The following PLEKHB1 variants were observed in gnomAD, a reference collection of about 807,000 sequenced individuals.
The protein encoded by PLEKHB1 is pleckstrin homology domain-containing family B member 1.
In PLEKHB1, 29 loss-of-function variants were observed where a neutral mutation model predicts 36.2. The observed-to-expected ratio is 0.80, with a 90% CI of 0.60 to 1.09. PLEKHB1 has a LOEUF of 1.09. Ranked by LOEUF, PLEKHB1 falls within the 50% of genes least tolerant of loss-of-function variation. The pLI, the probability that PLEKHB1 is intolerant of heterozygous loss-of-function variation, is 0.00. For missense variants in PLEKHB1, 330 were observed against 348.2 expected (o/e 0.95, Z 0.42); for synonymous variants, 138 against 140.0 (o/e 0.99, Z 0.10).
intron 5 of PLEKHB1, among the ~76,000 whole-genome samples, chr11:73,654,411 C>T (rs1944955190): frequency 6.6e-6 from 1 of 152,194 alleles, no homozygotes. Context: ...CCTCAGGCAT[C>T]CACGTCCTGA....
At chr11:73,660,675 C>A in intron 6 of PLEKHB1, 78 bp from the exon 7 acceptor site, 1 of 1,365,386 alleles carries the variant, frequency 7.3e-7, no homozygotes, top group South Asian at 1.3e-5. Context: ...CCCAGAGAGG[C>A]CTGTGCCAGG....
At position 73,655,858 on chromosome 11, in the gene PLEKHB1, G is replaced by C. The variant is rs1326440407; in HGVS notation, c.446G>C (p.Arg149Thr). Residue 149 changes from arginine (R) to threonine (T), a missense_variant, in exon 6 of 8, where the codon AGG becomes ACG. By Grantham distance (71) the Arg-to-Thr change is moderately conservative. Coordinates refer to ENST00000354190, the MANE Select transcript of PLEKHB1 (RefSeq NM_021200.3). ...AGCCGCCGGGTTTGCTCCAAGGTCA[G>C]GTGTGTGACCCGCTCGTGGAGCCCC... ...PRSRRVCSKVRCVTRSWSPCK... is the reference protein window; with the variant it reads ...PRSRRVCSKVTCVTRSWSPCK... The C allele has an allele frequency of 6.2e-7, 1 of 1,613,718 alleles. No individual in the cohort carries two copies. Among genetic ancestry groups the C allele is most frequent in the Non-Finnish European group, 8.5e-7 (1 of 1,179,866 alleles).
intron 5 of PLEKHB1, chr11:73,653,295 G>A: frequency 1.5e-6 from 1 of 657,646 alleles, no homozygotes; most frequent in Middle Eastern, 2.8e-4. Context: ...TATGTGCCAG[G>A]TGTGGTGCAG....
Position 73,661,747 on chromosome 11 carries a change from AC to A in PLEKHB1, c.*146del, listed in dbSNP as rs1458791106. The A allele has an allele frequency of 4.0e-6, 4 of 996,164 alleles. No individual in the cohort carries two copies. Among genetic ancestry groups the A allele is most frequent in the Non-Finnish European group, 5.7e-6 (4 of 696,714 alleles). The allele number at this position is 996,164 out of a possible 1,614,324, so 61.7% of individuals were successfully genotyped here. ...CTTCCGGGTTTGGACCATTCCCCCC[AC>A]TCCCTACCCTTAATCCCCACATGGG... On this transcript the variant is annotated 3_prime_UTR_variant, in exon 8 of 8. Transcript: ENST00000354190. This position sits in a 1 kb window ranked among gnomAD's most constrained non-coding sequence, Gnocchi z 4.6.
At position 73,651,540 on chromosome 11, in the gene PLEKHB1, C is replaced by G. The variant is rs1035955890; in HGVS notation, c.248-248C>G. On this transcript the variant is annotated intron_variant, in intron 3 of 7. Coordinates refer to ENST00000354190, the MANE Select transcript of PLEKHB1 (RefSeq NM_021200.3). The stretch of plus-strand genomic sequence containing the variant: ...GTCACAGCAAATCTCCACATTCCTC[C>G]ACCAAGGCCCAGGCCACAGTTCTAA... The G allele has an allele frequency of 9.4e-6, 6 of 638,424 alleles. No homozygotes were observed. In the African/African-American group the frequency reaches 1.1e-4, roughly 11 times the overall value. 39.5% of individuals were successfully genotyped at this position (638,424 alleles called of 1,614,324 possible). A position where few individuals can be genotyped will look rare whatever the true frequency, so the allele number is the denominator to read the frequency against.
chr11:73,648,918 G>A (rs1357216103), intron 1 of PLEKHB1, 94 bp from the exon 2 acceptor site: 5 of 1,503,936 alleles, frequency 3.3e-6, no homozygotes, highest in South Asian at 1.3e-5. Context: ...TCCCTCAAAC[G>A]TTTCCTGGGT....
Position 73,661,269 on chromosome 11 carries a change from G to A in PLEKHB1, c.596-197G>A, listed in dbSNP as rs1441477068. 6.6e-6 allele frequency among the ~76,000 whole-genome samples: 1 copy of A among 152,214 alleles called. No individual in the cohort carries two copies. Among genetic ancestry groups the A allele is most frequent in the Admixed American group, 6.5e-5 (1 of 15,284 alleles). ...GCCGTAGCGGACCCGTAGGTTCCGGGACATCCGTAGCCGATCCAAGGCCTG... is the reference window on the plus strand; with the variant it reads ...GCCGTAGCGGACCCGTAGGTTCCGGAACATCCGTAGCCGATCCAAGGCCTG... On this transcript the variant is annotated intron_variant, in intron 7 of 7. Transcript: ENST00000354190. This position sits in a 1 kb window ranked among gnomAD's most constrained non-coding sequence, Gnocchi z 4.6.
Position 73,648,073 on chromosome 11 carries a change from T to C in PLEKHB1, c.19-939T>C, listed in dbSNP as rs966479492. On this transcript the variant is annotated intron_variant, in intron 1 of 7. Transcript: ENST00000354190. Reference sequence around the variant, plus strand: ...GTAAGGATTCCCTTCCTAACAGGGTTAGAGTGGGGACAAGGTGAGGGAGTA... The same window carrying C: ...GTAAGGATTCCCTTCCTAACAGGGTCAGAGTGGGGACAAGGTGAGGGAGTA... 18 of 752,788 alleles carry C rather than the reference T, an allele frequency of 2.4e-5. No homozygotes were observed. In the African/African-American group the frequency reaches 3.1e-4, roughly 13 times the overall value. The allele number at this position is 752,788 out of a possible 1,614,324, so 46.6% of individuals were successfully genotyped here.
chr11:73,655,833 A>T lies in PLEKHB1; in HGVS notation c.421A>T (p.Ser141Cys). 6.2e-7 allele frequency: 1 copy of T among 1,613,578 alleles called. No individual in the cohort carries two copies. ...APAGATVPPR[S>C]RRVCSKVRCV... The stretch of plus-strand genomic sequence containing the variant: ...AGCTGGAGCCACCGTCCCTCCCAGG[A>T]GCCGCCGGGTTTGCTCCAAGGTCAG... The change falls in exon 6 of 8, where the codon AGC becomes TGC. Residue 141 changes from serine (S) to cysteine (C), a missense_variant. Physicochemically the swap from Ser to Cys is moderately radical, Grantham distance 112 (BLOSUM62 -1). Coordinates refer to ENST00000354190, the MANE Select transcript of PLEKHB1 (RefSeq NM_021200.3).
At chr11:73,659,909 G>A (rs548930236) in intron 6 of PLEKHB1, among the ~76,000 whole-genome samples, 2 of 152,290 alleles carry the variant, frequency 1.3e-5, no homozygotes, top group South Asian at 2.1e-4. Flanking sequence ...CTCAATAATC[G>A]TTACAGCCTA....
At chr11:73,651,945 C>T in intron 4 of PLEKHB1, 55 bp downstream of exon 4, 2 of 1,500,932 alleles carry the variant, frequency 1.3e-6, no homozygotes, top group Non-Finnish European at 9.2e-7. Flanking sequence ...TTACCATGTG[C>T]CCCCTTCTCA....
At chr11:73,658,226 G>A (rs1006035940) in intron 6 of PLEKHB1, among the ~76,000 whole-genome samples, 3 of 152,208 alleles carry the variant, frequency 2.0e-5, no homozygotes, top group African/African-American at 7.2e-5. Context: ...CTGAAAGACA[G>A]GTTGAATGAG....
rs1748603610 is a variant in PLEKHB1 at position 73,660,830 on chromosome 11, C to T, written c.573C>T (p.Ser191=). 6.3e-7 allele frequency: 1 copy of T among 1,595,286 alleles called. No homozygotes were observed. The highest frequency in any genetic ancestry group is 1.1e-5 in the South Asian group (1 of 87,408). The change falls in exon 7 of 8, where the codon AGC becomes AGT. Residue 191 remains serine (S), a synonymous_variant. Transcript: ENST00000354190. ...CACACGAGGCCACGTATGTCCGCAG[C>T]TACTACGGACCGCCCTACGCAGGTA... ...PNAHEATYVR[S]YYGPPYAGPG...
intron 1 of PLEKHB1, among the ~76,000 whole-genome samples, chr11:73,648,433 G>A (rs1020930577): frequency 3.9e-5 from 6 of 152,164 alleles, no homozygotes; most frequent in Admixed American, 6.5e-5. Context: ...GGGGGTACCC[G>A]GACAGAGTGC....
chr11:73,660,865 C>T lies in PLEKHB1; in HGVS notation c.595+13C>T, dbSNP rs762825000. On this transcript the variant is annotated intron_variant, in intron 7 of 7. Transcript: ENST00000354190. ...CCGCCCTACGCAGGTAAGTCTCCAG[C>T]GTGCCCCGGGGCTTGCCTCGATCCA... The T allele has an allele frequency of 3.8e-6, 6 of 1,571,256 alleles. No individual in the cohort carries two copies. The highest frequency in any genetic ancestry group is 5.2e-6 in the Non-Finnish European group (6 of 1,159,620).
Position 73,655,813 on chromosome 11 carries a change from G to A in PLEKHB1, c.401G>A (p.Gly134Glu). 6.2e-7 allele frequency: 1 copy of A among 1,613,442 alleles called. No homozygotes were observed. The highest frequency in any genetic ancestry group is 8.5e-7 in the Non-Finnish European group (1 of 1,179,810). Residue 134 changes from glycine to glutamate, a missense_variant, in exon 6 of 8, where the codon GGA (glycine) becomes GAA (glutamate). By Grantham distance (98) the Gly-to-Glu change is moderately conservative (BLOSUM62 -2). Transcript: ENST00000354190. Reference sequence around the variant, plus strand: ...CTGTGGCTTGAGCAGGCCCCAGCTGGAGCCACCGTCCCTCCCAGGAGCCGC... The same window carrying A: ...CTGTGGCTTGAGCAGGCCCCAGCTGAAGCCACCGTCCCTCCCAGGAGCCGC... ...LEANSTPAPA[G>E]ATVPPRSRRV...
chr11:73,654,500 G>A (rs1009568381), intron 5 of PLEKHB1, among the ~76,000 whole-genome samples: 2 of 152,184 alleles, frequency 1.3e-5, no homozygotes, highest in Non-Finnish European at 2.9e-5. Context: ...CAGCTGGGTG[G>A]GGGTTGGTAT....
intron 1 of PLEKHB1, chr11:73,647,849 C>G (rs1277683589): frequency 2.0e-6 from 2 of 976,236 alleles, no homozygotes; most frequent in Admixed American, 1.2e-4. Context: ...ACAGACAAGG[C>G]TGGGCCTTCC....
intron 4 of PLEKHB1, 188 bp downstream of exon 4, chr11:73,652,078 A>G (rs995874925): frequency 2.7e-5 from 16 of 598,332 alleles, no homozygotes; most frequent in African/African-American, 2.4e-4. Context: ...CACACAGTGA[A>G]CTCCTCATGT....
Sources: gnomAD v4.1 joint callset for allele counts (sites outside exome capture counted in the v4.1 genomes callset) on GRCh38, gnomAD v4.1.1 for gene constraint, Gnocchi (gnomAD v3.1) non-coding constraint, MANE v1.5 for transcripts, NCBI Gene and HGNC (gene_info 2026-07-23, HGNC 2026-07-21) for gene names.